Variants in RNF8 observed in about 807,000 individuals in gnomAD.
RNF8 encodes ring finger protein 8.
A neutral mutation model predicts 59.3 loss-of-function variants in RNF8; 8 were observed. The ratio of observed to expected loss-of-function variants is 0.13; its 90% CI spans 0.08 to 0.24. The LOEUF (loss-of-function observed/expected upper bound fraction) is 0.24. RNF8 is among the 10% of genes least tolerant of loss of function. RNF8 has a pLI of 1.00. For missense variants in RNF8, 406 were observed against 572.6 expected (o/e 0.71, Z 2.97); for synonymous variants, 162 against 200.0 (o/e 0.81, Z 1.60).
chr6:37,386,179 C>CCTTATTGGCACTTTGAAATGACA (rs879516647), intron 7 of RNF8, among the ~76,000 whole-genome samples: 1 of 152,124 alleles, frequency 6.6e-6, no homozygotes, highest in Admixed American at 6.6e-5. Flanking sequence ...TCAGAATACA[C>CCTTATTGGCACTTTGAAATGACA]AGTTTGAAAT....
chr6:37,358,289 T>C (rs1581661817), intron 1 of RNF8, among the ~76,000 whole-genome samples: 2 of 152,280 alleles, frequency 1.3e-5, no homozygotes, highest in Admixed American at 6.5e-5. Context: ...TTCAGGGTCT[T>C]ATAGGCCATG....
chr6:37,392,459 C>A lies in RNF8; in HGVS notation c.*1701C>A. The A allele has an allele frequency of 2.5e-6, 1 of 398,584 alleles. No individual in the cohort carries two copies. The highest frequency in any genetic ancestry group is 4.4e-6 in the Non-Finnish European group (1 of 226,048). The allele number at this position is 398,584 out of a possible 1,614,324, so 24.7% of individuals were successfully genotyped here. On this transcript the variant is annotated 3_prime_UTR_variant, in exon 8 of 8. Transcript: ENST00000373479. ...ACCCTTTCCCCACAGCGACTACTTC[C>A]CACTCAGAGGCAACAAGTATTACAG...
At chr6:37,365,890 TCTC>T (rs1769530998) in intron 2 of RNF8, among the ~76,000 whole-genome samples, 1 of 152,178 alleles carries the variant, frequency 6.6e-6, no homozygotes, top group Non-Finnish European at 1.5e-5. Context: ...CCTTTTCTAG[TCTC>T]CTTATATGAA....
At chr6:37,366,153 C>T in intron 2 of RNF8, among the ~76,000 whole-genome samples, 1 of 152,168 alleles carries the variant, frequency 6.6e-6, no homozygotes, top group Non-Finnish European at 1.5e-5. Context: ...ACTGTCAGAA[C>T]TCAGAAGTTC....
chr6:37,382,222 A>G (rs1009285761), intron 7 of RNF8, among the ~76,000 whole-genome samples: 2 of 152,234 alleles, frequency 1.3e-5, no homozygotes, highest in African/African-American at 4.8e-5. Context: ...GTTCCTTATC[A>G]GGGTGCTATG....
chr6:37,355,701 C>T (rs1769087946), intron 1 of RNF8, among the ~76,000 whole-genome samples: 1 of 152,126 alleles, frequency 6.6e-6, no homozygotes, highest in Non-Finnish European at 1.5e-5. Context: ...ACCAAGAAAA[C>T]ATCTCTGCCT....
chr6:37,372,212 GT>G (rs2022865489), intron 4 of RNF8, among the ~76,000 whole-genome samples: 1 of 152,148 alleles, frequency 6.6e-6, no homozygotes, highest in Non-Finnish European at 1.5e-5. Context: ...ATGATTAGTA[GT>G]TTAGTGCCAT....
intron 6 of RNF8, among the ~76,000 whole-genome samples, chr6:37,378,290 A>G (rs376183610): frequency 4.0e-5 from 6 of 151,788 alleles, no homozygotes; most frequent in African/African-American, 1.5e-4. Flanking sequence ...CAAGGCATGA[A>G]AAAAAAGAAA....
At chr6:37,389,003 T>G (rs1770623517) in intron 7 of RNF8, among the ~76,000 whole-genome samples, 1 of 151,810 alleles carries the variant, frequency 6.6e-6, no homozygotes. Flanking sequence ...CTAGGGTAGA[T>G]CCCCCTCATT....
intron 1 of RNF8, among the ~76,000 whole-genome samples, chr6:37,356,030 TC>T (rs1290654966): frequency 6.6e-6 from 1 of 152,200 alleles, no homozygotes; most frequent in Non-Finnish European, 1.5e-5. Context: ...ATTTATGACT[TC>T]TGAATAGCTT....
Position 37,394,089 on chromosome 6 carries a change from A to C in RNF8, c.*3331A>C, listed in dbSNP as rs1451933658. 6.6e-6 allele frequency: 1 copy of C among 152,228 alleles called. No homozygotes were observed. The highest frequency in any genetic ancestry group is 6.5e-5 in the Admixed American group (1 of 15,288). 9.4% of individuals were successfully genotyped at this position (152,228 alleles called of 1,614,324 possible). On this transcript the variant is annotated 3_prime_UTR_variant, in exon 8 of 8. Coordinates refer to ENST00000373479, the MANE Select transcript of RNF8 (RefSeq NM_003958.4). ...TCCAGTGATTAGCTAAATTTGACATAGAAAGTAAGAAGGAATGTCTACTTT... is the reference window on the plus strand; with the variant it reads ...TCCAGTGATTAGCTAAATTTGACATCGAAAGTAAGAAGGAATGTCTACTTT...
At chr6:37,361,368 ACTGACC>A (rs1769315917) in intron 2 of RNF8, 1 of 456,134 alleles carries the variant, frequency 2.2e-6, no homozygotes, top group African/African-American at 2.0e-5. Flanking sequence ...GGAGAGGTGA[ACTGACC>A]CAGGTTGGAA....
chr6:37,359,618 A>G (rs2284924), intron 1 of RNF8, among the ~76,000 whole-genome samples: 5,266 of 152,330 alleles, frequency 0.035, 235 homozygotes, highest in East Asian at 0.11. Flanking sequence ...AGTCAAGTAT[A>G]GAGCAGAAGA....
chr6:37,354,890 C>T (rs773866049), intron 1 of RNF8, among the ~76,000 whole-genome samples: 1 of 152,200 alleles, frequency 6.6e-6, no homozygotes, highest in Non-Finnish European at 1.5e-5. Context: ...GGTTTTGTCC[C>T]TTAAAGCAAT....
chr6:37,385,396 G>A (rs1770454498), intron 7 of RNF8, among the ~76,000 whole-genome samples: 1 of 151,724 alleles, frequency 6.6e-6, no homozygotes, highest in African/African-American at 2.4e-5. Context: ...GGGAGGCTGA[G>A]GGGGCGTGGA....
In RNF8 at chr6:37,392,620, C is replaced by T. The variant is rs1770757008; in HGVS notation, c.*1862C>T. The T allele has an allele frequency of 5.0e-6, 2 of 398,536 alleles. No individual in the cohort carries two copies. The highest frequency in any genetic ancestry group is 2.5e-4 in the South Asian group (2 of 7,858). 24.7% of individuals were successfully genotyped at this position (398,536 alleles called of 1,614,324 possible). ...TTTCAGATATATGTTGGCAACAGTT[C>T]CATGTCAGTACATAGTTTCCTTTCT... On this transcript the variant is annotated 3_prime_UTR_variant, in exon 8 of 8. Coordinates refer to ENST00000373479, the MANE Select transcript of RNF8 (RefSeq NM_003958.4).
At chr6:37,357,038 C>G (rs978607425) in intron 1 of RNF8, among the ~76,000 whole-genome samples, 1 of 152,132 alleles carries the variant, frequency 6.6e-6, no homozygotes, top group Non-Finnish European at 1.5e-5. Flanking sequence ...CACACCTGGC[C>G]AGATTTACTT....
intron 2 of RNF8, among the ~76,000 whole-genome samples, chr6:37,363,654 T>G (rs983732826): frequency 6.6e-6 from 1 of 152,168 alleles, no homozygotes; most frequent in Admixed American, 6.5e-5. Flanking sequence ...GTTCTTACCC[T>G]TCTGTTGGGA....
chr6:37,356,387 C>T (rs1562082413), intron 1 of RNF8, among the ~76,000 whole-genome samples: 1 of 152,158 alleles, frequency 6.6e-6, no homozygotes, highest in Non-Finnish European at 1.5e-5. Flanking sequence ...TTAAAAGATA[C>T]GCTAATAACA....
Sources: gnomAD v4.1 joint callset for allele counts (sites outside exome capture counted in the v4.1 genomes callset) on GRCh38, gnomAD v4.1.1 for gene constraint, MANE v1.5 for transcripts, NCBI Gene and HGNC (gene_info 2026-07-23, HGNC 2026-07-21) for gene names.